UNC5C: variants seen among roughly 807,000 people sequenced by gnomAD.
UNC5C encodes the protein netrin receptor UNC5C.
UNC5C carries 47 observed loss-of-function variants against 99.8 expected under a neutral mutation model. The ratio of observed to expected loss-of-function variants is 0.47; its 90% confidence interval spans 0.37 to 0.60. The LOEUF (loss-of-function observed/expected upper bound fraction) is 0.60, where lower values mean the gene tolerates loss of function less well. Among genes scored for constraint, UNC5C ranks in the 20% least tolerant of loss-of-function variants. The pLI, the probability that UNC5C is intolerant of heterozygous loss-of-function variation, is 0.00. For synonymous variants in UNC5C, 487 were observed against 452.2 expected (o/e 1.08, Z -0.98); for missense variants, 1,062 against 1,165.9 (o/e 0.91, Z 1.30).
intron 14 of UNC5C, among the ~76,000 whole-genome samples, chr4:95,177,680 A>G (rs2149347684): frequency 6.6e-6 from 1 of 152,136 alleles, no homozygotes; most frequent in East Asian, 1.9e-4. Context: ...AAATACATAT[A>G]TATATGTATT....
chr4:95,305,561 G>T (rs1742034992), intron 2 of UNC5C, among the ~76,000 whole-genome samples: 1 of 152,150 alleles, frequency 6.6e-6, no homozygotes, highest in Non-Finnish European at 1.5e-5. Flanking sequence ...TGGGGGAAAT[G>T]CTTTGGTCTA....
chr4:95,262,481 A>G (rs1010685699), intron 4 of UNC5C, among the ~76,000 whole-genome samples: 5 of 152,236 alleles, frequency 3.3e-5, no homozygotes, highest in African/African-American at 1.2e-4. Flanking sequence ...CAGCAGTAGC[A>G]TTCAAACTAG....
intron 1 of UNC5C, among the ~76,000 whole-genome samples, chr4:95,518,729 G>A (rs925294292): frequency 6.6e-6 from 1 of 152,164 alleles, no homozygotes; most frequent in Admixed American, 6.5e-5. Context: ...GATCTACTTT[G>A]TGTGAGGTTT....
At position 95,481,371 on chromosome 4, in the gene UNC5C, A is replaced by G. The variant is rs559982778; in HGVS notation, c.124+67363T>C. 2.6e-5 allele frequency among the ~76,000 whole-genome samples: 4 copies of G among 152,120 alleles called. No individual in the cohort carries two copies. In the South Asian group the frequency reaches 8.3e-4, roughly 32 times the overall value. ...AACGAAATAAAAGAGGATACAAACA[A>G]ATGGAACAACATTCCATGCTCATGG... On this transcript the variant is annotated intron_variant, in intron 1 of 15. Transcript: ENST00000453304.
chr4:95,229,825 T>C (rs1738841432), intron 7 of UNC5C, among the ~76,000 whole-genome samples: 2 of 134,852 alleles, frequency 1.5e-5, no homozygotes, highest in Non-Finnish European at 3.1e-5. Flanking sequence ...TTTTTTTTTT[T>C]TTGAGACGGA....
intron 1 of UNC5C, among the ~76,000 whole-genome samples, chr4:95,540,851 G>C (rs116769988): frequency 0.021 from 3,258 of 152,144 alleles, 51 homozygotes; most frequent in Non-Finnish European, 0.034. Flanking sequence ...GTTTGATTTT[G>C]ATTAGTAATA....
chr4:95,170,911 AG>A (rs559767304), intron 14 of UNC5C, among the ~76,000 whole-genome samples: 143 of 152,254 alleles, frequency 9.4e-4, no homozygotes, highest in Non-Finnish European at 1.6e-3. Flanking sequence ...TTCTTAAAAA[AG>A]AAAATGGTAA....
intron 1 of UNC5C, among the ~76,000 whole-genome samples, chr4:95,399,999 T>C (rs1745640088): frequency 6.6e-6 from 1 of 152,222 alleles, no homozygotes; most frequent in South Asian, 2.1e-4. Flanking sequence ...TATCTTGAAA[T>C]AATGGTCAAC....
intron 4 of UNC5C, among the ~76,000 whole-genome samples, chr4:95,272,516 T>G (rs1740698588): frequency 6.6e-6 from 1 of 152,242 alleles, no homozygotes; most frequent in African/African-American, 2.4e-5. Flanking sequence ...TAGAGGCAGA[T>G]ATCAGAAAAA....
At chr4:95,446,433 T>A (rs1747108930) in intron 1 of UNC5C, among the ~76,000 whole-genome samples, 1 of 152,164 alleles carries the variant, frequency 6.6e-6, no homozygotes, top group Non-Finnish European at 1.5e-5. Flanking sequence ...AAGCTCATAA[T>A]GATGATTATT....
intron 14 of UNC5C, among the ~76,000 whole-genome samples, chr4:95,175,399 G>A (rs570216382): frequency 8.6e-5 from 13 of 150,824 alleles, no homozygotes; most frequent in African/African-American, 2.4e-4. Context: ...TCCTTTCCAT[G>A]TTTAGTGCTT....
chr4:95,493,477 T>G (rs1384461083), intron 1 of UNC5C, among the ~76,000 whole-genome samples: 2 of 151,452 alleles, frequency 1.3e-5, no homozygotes, highest in East Asian at 3.9e-4. Flanking sequence ...TTTCTGAATA[T>G]TTTTATCCAA....
chr4:95,317,184 T>C (rs1742507699), intron 2 of UNC5C, among the ~76,000 whole-genome samples: 1 of 152,158 alleles, frequency 6.6e-6, no homozygotes. Context: ...CACTGGGTAA[T>C]GTCTCCCAGT....
At chr4:95,194,121 G>A (rs1453642378) in intron 12 of UNC5C, among the ~76,000 whole-genome samples, 1 of 152,166 alleles carries the variant, frequency 6.6e-6, no homozygotes, top group Non-Finnish European at 1.5e-5. Flanking sequence ...CTTCCAGCCT[G>A]CACAGTCAGG....
chr4:95,488,616 C>A (rs1002073107), intron 1 of UNC5C, among the ~76,000 whole-genome samples: 6 of 151,676 alleles, frequency 4.0e-5, no homozygotes, highest in African/African-American at 1.5e-4. Context: ...CACACTCAGG[C>A]AAATTCTACC....
At chr4:95,383,257 GTGTTT>G (rs923860586) in intron 1 of UNC5C, among the ~76,000 whole-genome samples, 1 of 137,622 alleles carries the variant, frequency 7.3e-6, no homozygotes, top group African/African-American at 2.9e-5. Context: ...AAATATGTGT[GTGTTT>G]ACACACACAC....
chr4:95,332,111 GGAAGAATCAATATCAT>G (rs1334281696), intron 2 of UNC5C, among the ~76,000 whole-genome samples: 1 of 152,148 alleles, frequency 6.6e-6, no homozygotes, highest in Non-Finnish European at 1.5e-5. Flanking sequence ...CTCATGGGTA[GGAAGAATCAATATCAT>G]GAAAATGGCC....
intron 7 of UNC5C, among the ~76,000 whole-genome samples, chr4:95,227,617 GCTC>G (rs1738748633): frequency 6.6e-6 from 1 of 152,140 alleles, no homozygotes; most frequent in African/African-American, 2.4e-5. Context: ...TCCATGCAAT[GCTC>G]CTTTTACTTG....
chr4:95,293,295 CTTTTTT>C (rs1175837199), intron 3 of UNC5C, among the ~76,000 whole-genome samples: 5 of 56,880 alleles, frequency 8.8e-5, no homozygotes, highest in Admixed American at 4.3e-4. Flanking sequence ...TAATAGTGAG[CTTTTTT>C]TTTTTTTTTT....
Sources: gnomAD v4.1 joint callset for allele counts (sites outside exome capture counted in the v4.1 genomes callset) on GRCh38, gnomAD v4.1.1 for gene constraint, MANE v1.5 for transcripts, NCBI Gene and HGNC (gene_info 2026-07-23, HGNC 2026-07-21) for gene names.